The following NRCAM variants were observed in gnomAD, a reference collection of about 807,000 sequenced individuals.
NRCAM encodes the protein neuronal cell adhesion molecule.
NRCAM carries 83 observed loss-of-function variants against 156.5 expected under a neutral mutation model. The ratio of observed to expected loss-of-function variants is 0.53; its 90% confidence interval spans 0.44 to 0.64. NRCAM has a LOEUF of 0.64. NRCAM is among the 30% of genes least tolerant of loss of function. NRCAM has a pLI of 0.00. For missense variants in NRCAM, 1,417 were observed against 1,597.3 expected (o/e 0.89, Z 1.92); for synonymous variants, 538 against 563.9 (o/e 0.95, Z 0.65).
intron 2 of NRCAM, among the ~76,000 whole-genome samples, chr7:108,350,878 G>A (rs1377501637): frequency 6.6e-6 from 1 of 151,882 alleles, no homozygotes; most frequent in Non-Finnish European, 1.5e-5. Context: ...CATAAATTTG[G>A]GTACTTGTTG....
chr7:108,396,179 C>T (rs1478162555), intron 2 of NRCAM, among the ~76,000 whole-genome samples: 1 of 152,074 alleles, frequency 6.6e-6, no homozygotes, highest in East Asian at 1.9e-4. Context: ...TTCATAGAGA[C>T]AGAGAGAAAA....
At chr7:108,375,326 T>C (rs764384194) in intron 2 of NRCAM, among the ~76,000 whole-genome samples, 3 of 148,000 alleles carry the variant, frequency 2.0e-5, no homozygotes, top group Non-Finnish European at 4.5e-5. Flanking sequence ...CCCCCAAAAA[T>C]AATTAATAAT....
At chr7:108,320,436 GACAAA>G (rs201917496) in intron 2 of NRCAM, among the ~76,000 whole-genome samples, 54 of 151,618 alleles carry the variant, frequency 3.6e-4, no homozygotes, top group African/African-American at 1.0e-3. Flanking sequence ...AACAGAGCTA[GACAAA>G]ACAAAACAAA....
At chr7:108,320,470 T>C (rs779294480) in intron 2 of NRCAM, among the ~76,000 whole-genome samples, 1 of 150,408 alleles carries the variant, frequency 6.6e-6, no homozygotes, top group Non-Finnish European at 1.5e-5. Flanking sequence ...AAACGGTCTC[T>C]TAAGGTACTA....
chr7:108,277,035 T>G (rs1223554555), intron 3 of NRCAM, among the ~76,000 whole-genome samples: 1 of 152,230 alleles, frequency 6.6e-6, no homozygotes, highest in African/African-American at 2.4e-5. Context: ...TTGAAAATTC[T>G]TTTCTTTAAG....
At chr7:108,209,278 T>C (rs11984362) in intron 12 of NRCAM, 143 bp downstream of exon 12, 143,590 of 568,666 alleles carry the variant, frequency 0.25, 19,313 homozygotes, top group Non-Finnish European at 0.29. Context: ...GCACTACCAA[T>C]AGCAATGAGA....
chr7:108,388,911 T>TG (rs1200914824), intron 2 of NRCAM, among the ~76,000 whole-genome samples: 8,740 of 152,112 alleles, frequency 0.057, 833 homozygotes, highest in African/African-American at 0.2. Flanking sequence ...TCTGTTCCAT[T>TG]GTCTATATCT....
chr7:108,187,100 G>A (rs926361981), intron 20 of NRCAM, among the ~76,000 whole-genome samples: 7 of 152,104 alleles, frequency 4.6e-5, no homozygotes, highest in Admixed American at 6.5e-5. Flanking sequence ...TGCACAGTTT[G>A]GGAACCATGG....
At chr7:108,286,302 T>C (rs1185747668) in intron 3 of NRCAM, among the ~76,000 whole-genome samples, 1 of 152,166 alleles carries the variant, frequency 6.6e-6, no homozygotes, top group Non-Finnish European at 1.5e-5. Flanking sequence ...TTATAAGCCT[T>C]ATCTGCTAGC....
intron 2 of NRCAM, among the ~76,000 whole-genome samples, chr7:108,374,438 C>T (rs2099655724): frequency 1.3e-5 from 2 of 151,840 alleles, no homozygotes; most frequent in South Asian, 4.2e-4. Context: ...TGTAGTAATA[C>T]CTGGAGCAAG....
In NRCAM at chr7:108,180,317, C is replaced by T. The variant is rs376190567; in HGVS notation, c.2757G>A (p.Glu919=). ...CATTCAGTGTGTAGTGGCTAAAGGG[C>T]TCTAGCCCCGGCAACATGCCATGAG... ...SKTHGMLPGL[E]PFSHYTLNVR... The change falls in exon 25 of 33, where the codon GAG becomes GAA. Residue 919 remains glutamate (E), a synonymous_variant. Transcript: ENST00000379028. 15 of 1,614,118 alleles carry T rather than the reference C, an allele frequency of 9.3e-6. No individual in the cohort carries two copies. Among genetic ancestry groups the T allele is most frequent in the African/African-American group, 8.0e-5 (6 of 74,948 alleles).
intron 1 of NRCAM, among the ~76,000 whole-genome samples, chr7:108,422,668 A>T (rs1031671413): frequency 2.6e-5 from 4 of 152,204 alleles, no homozygotes; most frequent in African/African-American, 9.6e-5. Context: ...ACTGAAGTGA[A>T]TCTACACCCC....
At chr7:108,160,517 G>A (rs371980311) in intron 30 of NRCAM, 25 bp from the exon 31 acceptor site, 50 of 1,610,000 alleles carry the variant, frequency 3.1e-5, no homozygotes, top group Non-Finnish European at 4.0e-5. Context: ...AATGGTGTTG[G>A]TGGCAATAGG....
chr7:108,449,713 G>A (rs1027230642), intron 1 of NRCAM, among the ~76,000 whole-genome samples: 5 of 152,130 alleles, frequency 3.3e-5, no homozygotes, highest in African/African-American at 1.2e-4. Context: ...CCATTCAAAT[G>A]CCAAGGACAT....
chr7:108,156,351 A>C (rs1299872005), intron 32 of NRCAM: 7 of 984,274 alleles, frequency 7.1e-6, no homozygotes, highest in Non-Finnish European at 8.4e-6. Flanking sequence ...TTCTGGTTTT[A>C]AGGAAAATGG....
intron 11 of NRCAM, among the ~76,000 whole-genome samples, chr7:108,214,797 T>C (rs1249205964): frequency 5.3e-5 from 8 of 152,228 alleles, no homozygotes; most frequent in African/African-American, 1.9e-4. Context: ...TGGTACATTG[T>C]GTCTTTGTTC....
chr7:108,413,383 C>T lies in NRCAM; in HGVS notation c.-331-13790G>A, dbSNP rs138805970. Among the ~76,000 whole-genome samples, 20 of 152,208 alleles carry T rather than the reference C, an allele frequency of 1.3e-4. No individual in the cohort carries two copies. In the East Asian group the frequency reaches 3.7e-3, roughly 28 times the overall value. ...CCCATTTTTTTATTTGGGCTGTCTT[C>T]TTGTTATTGAGTTGTTTCAGTTCCT... On this transcript the variant is annotated intron_variant, in intron 1 of 32. Coordinates refer to ENST00000379028, the MANE Select transcript of NRCAM (RefSeq NM_001037132.4).
chr7:108,367,439 A>G (rs1176190961), intron 2 of NRCAM, among the ~76,000 whole-genome samples: 1 of 152,170 alleles, frequency 6.6e-6, no homozygotes, highest in East Asian at 1.9e-4. Context: ...TTCTTAAATT[A>G]ATAACTGAGG....
intron 3 of NRCAM, among the ~76,000 whole-genome samples, chr7:108,282,793 G>C (rs533571925): frequency 1.0e-3 from 158 of 152,290 alleles, no homozygotes; most frequent in East Asian, 1.4e-3. Context: ...GAAACAATTA[G>C]TCATCACTAG....
Sources: allele counts gnomAD v4.1 joint callset (sites outside exome capture counted in the v4.1 genomes callset), GRCh38; gene constraint gnomAD v4.1.1; transcripts MANE v1.5; gene names NCBI Gene and HGNC (gene_info 2026-07-23, HGNC 2026-07-21).